The following ATP8A2 variants were observed in gnomAD, a reference collection of about 807,000 sequenced individuals.
The protein encoded by ATP8A2 is ATPase phospholipid transporting 8A2.
In ATP8A2, 100 loss-of-function variants were observed where a neutral mutation model predicts 165.6. The observed-to-expected ratio is 0.60, with a 90% CI of 0.51 to 0.71. ATP8A2 has a LOEUF of 0.71. ATP8A2 is among the 30% of genes least tolerant of loss of function. ATP8A2 has a pLI of 0.00. For missense variants in ATP8A2, 1,227 were observed against 1,479.5 expected, an observed-to-expected ratio of 0.83 and a Z score of 2.80; for synonymous variants, 543 against 548.8, an observed-to-expected ratio of 0.99 and a Z score of 0.15.
At chr13:25,479,662 G>C (rs913202674) in intron 2 of ATP8A2, among the ~76,000 whole-genome samples, 1 of 151,796 alleles carries the variant, frequency 6.6e-6, no homozygotes, top group East Asian at 1.9e-4. Context: ...TGTGTCCCTG[G>C]GTACTTGAGA....
At chr13:25,741,739 A>T (rs1237633658) in intron 25 of ATP8A2, among the ~76,000 whole-genome samples, 2 of 152,176 alleles carry the variant, frequency 1.3e-5, no homozygotes, top group East Asian at 3.9e-4. Context: ...ACTAAAATAC[A>T]ACCTTCATAA....
intron 2 of ATP8A2, among the ~76,000 whole-genome samples, chr13:25,515,771 A>T (rs2037447684): frequency 6.6e-6 from 1 of 152,204 alleles, no homozygotes; most frequent in African/African-American, 2.4e-5. Flanking sequence ...TACTGCTGTT[A>T]GAATCCTGCA....
At chr13:25,387,004 A>AAC (rs1430083841) in intron 1 of ATP8A2, among the ~76,000 whole-genome samples, 1 of 151,066 alleles carries the variant, frequency 6.6e-6, no homozygotes, top group Non-Finnish European at 1.5e-5. Context: ...CTCAAAAAAA[A>AAC]CAGAACAAAA....
At chr13:25,983,920 A>G (rs912817958) in intron 35 of ATP8A2, among the ~76,000 whole-genome samples, 16 of 152,256 alleles carry the variant, frequency 1.1e-4, no homozygotes, top group African/African-American at 3.6e-4. Flanking sequence ...GGGGACGAGA[A>G]TGACACAGCT....
intron 2 of ATP8A2, among the ~76,000 whole-genome samples, chr13:25,498,232 A>C (rs892649787): frequency 1.6e-4 from 25 of 152,328 alleles, no homozygotes; most frequent in African/African-American, 5.8e-4. Context: ...TGAGGAAAAC[A>C]TCAGTATCAA....
Position 25,443,212 on chromosome 13 carries a change from A to G in ATP8A2, c.77-25765A>G, listed in dbSNP as rs576103375. On this transcript the variant is annotated intron_variant, in intron 1 of 36. Coordinates refer to ENST00000381655, the MANE Select transcript of ATP8A2 (RefSeq NM_016529.6). ...TGTGCCATTATGTATAGCAAATGAA[A>G]CCTACTGAATAAAAGTTGAGTTTGA... is the stretch of plus-strand genomic sequence containing the variant. 2.0e-5 allele frequency among the ~76,000 whole-genome samples: 3 copies of G among 152,324 alleles called. No homozygotes were observed. The East Asian group carries it at 5.8e-4, about 29-fold the overall frequency.
rs114842212 is a variant in ATP8A2, at chr13:25,846,185, C to G, written c.2956+6561C>G. Among the ~76,000 whole-genome samples, 507 of 150,864 alleles carry G rather than the reference C, an allele frequency of 3.4e-3. 1 individual carries two copies. The highest frequency in any genetic ancestry group is 0.012 in the African/African-American group (476 of 41,178). ...AGCGAAACTCAGTCCCAAAACAAAA[C>G]AAAAAAAAAGATTAAAGAATATGTT... On this transcript the variant is annotated intron_variant, in intron 30 of 36. Coordinates refer to ENST00000381655, the MANE Select transcript of ATP8A2 (RefSeq NM_016529.6).
In ATP8A2 at chr13:25,579,801, C is replaced by T. The variant is rs550863921; in HGVS notation, c.1868-7C>T. 5.3e-5 allele frequency: 85 copies of T among 1,600,738 alleles called. No individual in the cohort carries two copies. Among genetic ancestry groups the T allele is most frequent in the South Asian group, 4.7e-4 (42 of 88,516 alleles). On this transcript the variant is annotated splice_region_variant and splice_polypyrimidine_tract_variant and intron_variant, in intron 21 of 36. Coordinates refer to ENST00000381655, the MANE Select transcript of ATP8A2 (RefSeq NM_016529.6). ...CCTGCCTCCATTCACCAGTGGCTGT[C>T]TTGCAGGCTTGCGGACTCTCTGTGT...
chr13:25,914,486 C>G (rs1370910726), intron 33 of ATP8A2, among the ~76,000 whole-genome samples: 1 of 152,178 alleles, frequency 6.6e-6, no homozygotes, highest in African/African-American at 2.4e-5. Flanking sequence ...TCTCAATGCT[C>G]AGAAGTGGAA....
At chr13:25,514,396 T>G (rs2037397997) in intron 2 of ATP8A2, among the ~76,000 whole-genome samples, 1 of 152,210 alleles carries the variant, frequency 6.6e-6, no homozygotes, top group Non-Finnish European at 1.5e-5. Context: ...GCAGGCTTTC[T>G]ACACATATTT....
intron 33 of ATP8A2, among the ~76,000 whole-genome samples, chr13:25,863,914 T>G (rs924517867): frequency 6.6e-6 from 1 of 152,186 alleles, no homozygotes; most frequent in Admixed American, 6.5e-5. Context: ...TAGAGGAAAT[T>G]AGAGGGCGTT....
At chr13:25,670,370 C>T (rs2042239686) in intron 24 of ATP8A2, among the ~76,000 whole-genome samples, 1 of 152,184 alleles carries the variant, frequency 6.6e-6, no homozygotes, top group African/African-American at 2.4e-5. Flanking sequence ...TCTGCAGTCT[C>T]TTGCCCTGGT....
At chr13:25,860,640 C>T (rs772722460) in intron 31 of ATP8A2, among the ~76,000 whole-genome samples, 164 bp from the exon 32 acceptor site, 1 of 152,172 alleles carries the variant, frequency 6.6e-6, no homozygotes, top group Non-Finnish European at 1.5e-5. Context: ...TGTATGTCCC[C>T]TGAAAATAAC....
At chr13:25,500,678 C>G (rs1018568995) in intron 2 of ATP8A2, among the ~76,000 whole-genome samples, 1 of 152,090 alleles carries the variant, frequency 6.6e-6, no homozygotes, top group East Asian at 1.9e-4. Context: ...CTCCACGGCT[C>G]AGGTGATCCT....
At chr13:25,747,997 A>G (rs866441118) in intron 25 of ATP8A2, among the ~76,000 whole-genome samples, 11 of 152,222 alleles carry the variant, frequency 7.2e-5, no homozygotes, top group South Asian at 2.1e-4. Context: ...CAGAAAATCT[A>G]TAAGGGTTAA....
intron 33 of ATP8A2, among the ~76,000 whole-genome samples, chr13:25,925,484 G>C (rs1954575568): frequency 1.7e-5 from 1 of 58,164 alleles, no homozygotes; most frequent in Non-Finnish European, 3.9e-5. Context: ...GCAGTGAGTT[G>C]AGATCGCGCC....
intron 1 of ATP8A2, among the ~76,000 whole-genome samples, chr13:25,463,870 T>C (rs2035567048): frequency 6.6e-6 from 1 of 152,142 alleles, no homozygotes; most frequent in Non-Finnish European, 1.5e-5. Context: ...GGGTCACTGG[T>C]GTATCTACTG....
rs373186276 is a variant in ATP8A2 at position 25,537,955 on chromosome 13, C to T, written c.508-33C>T. 54 of 1,481,632 alleles carry T rather than the reference C, an allele frequency of 3.6e-5. No individual in the cohort carries two copies. In the African/African-American group the frequency reaches 5.7e-4, roughly 16 times the overall value. The allele number at this position is 1,481,632 out of a possible 1,614,324, so 91.8% of individuals were successfully genotyped here. Reference sequence around the variant, plus strand: ...CATGTGTGTTTTGTTTCTTTTCTTTCGTGCCCCTCTGTCCTCATCCCTGTC... The same window carrying T: ...CATGTGTGTTTTGTTTCTTTTCTTTTGTGCCCCTCTGTCCTCATCCCTGTC... On this transcript the variant is annotated intron_variant, in intron 6 of 36. Transcript: ENST00000381655.
intron 1 of ATP8A2, among the ~76,000 whole-genome samples, chr13:25,457,180 C>T (rs1427010525): frequency 1.3e-5 from 2 of 152,188 alleles, no homozygotes; most frequent in African/African-American, 4.8e-5. Context: ...ACTGCTACCA[C>T]CGCTAAAGCC....
Sources: gnomAD v4.1 joint callset for allele counts (sites outside exome capture counted in the v4.1 genomes callset) on GRCh38, gnomAD v4.1.1 for gene constraint, MANE v1.5 for transcripts, NCBI Gene and HGNC (gene_info 2026-07-23, HGNC 2026-07-21) for gene names.